Variants in LMX1A observed in about 807,000 individuals in gnomAD.
LMX1A encodes the protein LIM homeobox transcription factor 1 alpha.
A neutral mutation model predicts 49.1 loss-of-function variants in LMX1A; 15 were observed. That is an observed-to-expected ratio of 0.31 (90% confidence interval 0.20 to 0.47). The LOEUF (loss-of-function observed/expected upper bound fraction) is 0.47. Ranked by LOEUF, LMX1A falls within the 20% of genes least tolerant of loss-of-function variation. The probability of loss-of-function intolerance (pLI) is 1.00; values close to 1 mark genes in which losing one functional copy is unlikely to be tolerated. For synonymous variants in LMX1A, 167 were observed against 185.7 expected (o/e 0.90, Z 0.82); for missense variants, 372 against 475.8 (o/e 0.78, Z 2.03).
chr1:165,249,548 C>T lies in LMX1A; in HGVS notation c.356G>A (p.Cys119Tyr). ...RAQKSVYHLSCFCCCVCERQL... is the reference protein window; with the variant it reads ...RAQKSVYHLSYFCCCVCERQL... ...TCGCTCGCAGACACAGCAGCAGAAGCAGCTCAGGTGGTATACACTCTTCTG... is the reference window on the plus strand; with the variant it reads ...TCGCTCGCAGACACAGCAGCAGAAGTAGCTCAGGTGGTATACACTCTTCTG... The change falls in exon 4 of 9, where the codon TGC (cysteine) becomes TAC (tyrosine). Residue 119 changes from cysteine to tyrosine, a missense_variant. By Grantham distance (194) the Cys-to-Tyr change is radical (BLOSUM62 -2). Transcript: ENST00000342310. The T allele has an allele frequency of 6.2e-7, 1 of 1,614,166 alleles. No individual in the cohort carries two copies. The highest frequency in any genetic ancestry group is 8.5e-7 in the Non-Finnish European group (1 of 1,180,022).
At chr1:165,270,357 A>C (rs192431410) in intron 3 of LMX1A, among the ~76,000 whole-genome samples, 29 of 152,306 alleles carry the variant, frequency 1.9e-4, no homozygotes, top group Admixed American at 1.5e-3. Context: ...GTACACTGAA[A>C]ACAAGGGCTA....
chr1:165,280,091 A>G (rs906212394), intron 3 of LMX1A, among the ~76,000 whole-genome samples: 1 of 152,178 alleles, frequency 6.6e-6, no homozygotes, highest in Non-Finnish European at 1.5e-5. Context: ...CATTCTTTAG[A>G]TAATGCTTAA....
intron 4 of LMX1A, among the ~76,000 whole-genome samples, chr1:165,219,350 G>A (rs1651755078): frequency 6.6e-6 from 1 of 152,188 alleles, no homozygotes; most frequent in African/African-American, 2.4e-5. Context: ...GCAGGGAGAG[G>A]CAGGAATGGG....
At chr1:165,309,014 C>G (rs76744005) in intron 3 of LMX1A, among the ~76,000 whole-genome samples, 15 of 152,270 alleles carry the variant, frequency 9.9e-5, no homozygotes, top group African/African-American at 3.6e-4. Context: ...ATTCTATCTC[C>G]AGTCCCCTTT....
chr1:165,206,097 G>C, intron 7 of LMX1A, 63 bp from the exon 8 acceptor site: 1 of 1,404,496 alleles, frequency 7.1e-7, no homozygotes. Flanking sequence ...ATTTCCCTGG[G>C]TCCTGATTCC....
At chr1:165,211,732 A>G (rs1009512517) in intron 5 of LMX1A, among the ~76,000 whole-genome samples, 3 of 152,038 alleles carry the variant, frequency 2.0e-5, no homozygotes, top group African/African-American at 4.8e-5. Context: ...TCAGGGGCCC[A>G]CCTCCACCTG....
At chr1:165,236,882 A>G (rs1219640546) in intron 4 of LMX1A, among the ~76,000 whole-genome samples, 2 of 151,466 alleles carry the variant, frequency 1.3e-5, no homozygotes, top group African/African-American at 4.8e-5. Flanking sequence ...CATAAGTAGA[A>G]CAAGTCTTAT....
intron 5 of LMX1A, 46 bp downstream of exon 5, chr1:165,213,595 A>C: frequency 6.4e-7 from 1 of 1,556,464 alleles, no homozygotes; most frequent in Non-Finnish European, 8.8e-7. Context: ...GAGTGCACAC[A>C]GAGAAGTGGG....
In LMX1A at chr1:165,213,537, T is replaced by C. The variant is rs550183449; in HGVS notation, c.669+104A>G. The C allele has an allele frequency of 1.7e-5, 18 of 1,071,146 alleles. No individual in the cohort carries two copies. In the South Asian group the frequency reaches 2.7e-4, roughly 16 times the overall value. 66.4% of individuals were successfully genotyped at this position (1,071,146 alleles called of 1,614,324 possible). A position where few individuals can be genotyped will look rare whatever the true frequency, so the allele number is the denominator to read the frequency against. ...TGTGCAGGCTCTGTCTGAACAGCCT[T>C]CCTCACCACTGTGACCCCCAATGCC... On this transcript the variant is annotated intron_variant, in intron 5 of 8. Coordinates refer to ENST00000342310, the MANE Select transcript of LMX1A (RefSeq NM_177398.4).
chr1:165,298,407 G>A (rs1654682232), intron 3 of LMX1A, among the ~76,000 whole-genome samples: 1 of 152,102 alleles, frequency 6.6e-6, no homozygotes, highest in Non-Finnish European at 1.5e-5. Context: ...GAGGAATTCA[G>A]CACAATTGGC....
chr1:165,271,241 C>T (rs1236486729), intron 3 of LMX1A, among the ~76,000 whole-genome samples: 1 of 152,164 alleles, frequency 6.6e-6, no homozygotes, highest in Non-Finnish European at 1.5e-5. Context: ...CTGGTCCCAG[C>T]TCTTTCCTTC....
chr1:165,295,448 T>C (rs1245916802), intron 3 of LMX1A, among the ~76,000 whole-genome samples: 2 of 147,754 alleles, frequency 1.4e-5, no homozygotes, highest in Non-Finnish European at 1.5e-5. Context: ...TTTTATAATA[T>C]ATAAAATATA....
intron 3 of LMX1A, among the ~76,000 whole-genome samples, chr1:165,296,891 G>A (rs375362130): frequency 6.6e-6 from 1 of 152,248 alleles, no homozygotes; most frequent in South Asian, 2.1e-4. Flanking sequence ...TAGCAAGAAG[G>A]TGGACCCACA....
chr1:165,330,029 AG>A (rs1321268904), intron 3 of LMX1A, among the ~76,000 whole-genome samples: 2 of 152,272 alleles, frequency 1.3e-5, no homozygotes, highest in African/African-American at 4.8e-5. Flanking sequence ...TGGGGCAATT[AG>A]TCTGTACCAG....
At chr1:165,321,959 T>G (rs554600607) in intron 3 of LMX1A, among the ~76,000 whole-genome samples, 113 of 152,158 alleles carry the variant, frequency 7.4e-4, no homozygotes, top group African/African-American at 2.7e-3. Context: ...CCGGAATATA[T>G]AGAGTGCTAA....
chr1:165,277,883 T>C (rs2101702709), intron 3 of LMX1A, among the ~76,000 whole-genome samples: 1 of 152,330 alleles, frequency 6.6e-6, no homozygotes, highest in African/African-American at 2.4e-5. Flanking sequence ...GACTCTATGG[T>C]TGAGCATCAG....
chr1:165,355,321 C>A lies in LMX1A; in HGVS notation c.76+163G>T, dbSNP rs1050039731. Among the ~76,000 whole-genome samples, 2 of 152,022 alleles carry A rather than the reference C, an allele frequency of 1.3e-5. No homozygotes were observed. The highest frequency in any genetic ancestry group is 4.8e-5 in the African/African-American group (2 of 41,390). ...CTTGTTGGATTTATTTGGGTAGGGACGACCCACAAGCACTGACGGACAGAT... is the reference window on the plus strand; with the variant it reads ...CTTGTTGGATTTATTTGGGTAGGGAAGACCCACAAGCACTGACGGACAGAT... On this transcript the variant is annotated intron_variant, in intron 2 of 8. Transcript: ENST00000342310. The surrounding 1 kb of genome is among the most constrained non-coding windows in gnomAD (Gnocchi z 4.7).
intron 3 of LMX1A, among the ~76,000 whole-genome samples, chr1:165,255,298 ACTCT>A (rs1284054605): frequency 3.3e-5 from 5 of 152,158 alleles, no homozygotes; most frequent in Admixed American, 6.5e-5. Context: ...ACCTCCTCTC[ACTCT>A]CTCTTTTCCA....
At chr1:165,346,486 GC>G (rs1656248163) in intron 3 of LMX1A, among the ~76,000 whole-genome samples, 1 of 152,192 alleles carries the variant, frequency 6.6e-6, no homozygotes, top group African/African-American at 2.4e-5. Context: ...TCTGTGCATG[GC>G]AGCAAGGCGA....
Sources: allele counts gnomAD v4.1 joint callset (sites outside exome capture counted in the v4.1 genomes callset), GRCh38; gene constraint gnomAD v4.1.1; non-coding constraint Gnocchi (gnomAD v3.1); transcripts MANE v1.5; gene names NCBI Gene and HGNC (gene_info 2026-07-23, HGNC 2026-07-21).